The following PEX5L variants were observed in gnomAD, a reference collection of about 807,000 sequenced individuals.
The protein encoded by PEX5L is PEX5-related protein.
Under a neutral mutation model 84.0 loss-of-function variants are expected in PEX5L, and 30 were observed. The observed-to-expected ratio is 0.36, with a 90% CI of 0.27 to 0.48. The LOEUF (loss-of-function observed/expected upper bound fraction) is 0.48. PEX5L is among the 20% of genes least tolerant of loss of function. The probability of loss-of-function intolerance (pLI) is 0.99; values close to 1 mark genes in which losing one functional copy is unlikely to be tolerated. For synonymous variants in PEX5L, 270 were observed against 283.1 expected (o/e 0.95, Z 0.46); for missense variants, 533 against 754.6 (o/e 0.71, Z 3.44).
chr3:179,990,757 C>A (rs1316998522), intron 1 of PEX5L, among the ~76,000 whole-genome samples: 1 of 152,082 alleles, frequency 6.6e-6, no homozygotes, highest in African/African-American at 2.4e-5. Flanking sequence ...TGAGTGCTTA[C>A]CTTGTCCCAG....
intron 1 of PEX5L, among the ~76,000 whole-genome samples, chr3:179,990,281 TTGCACTAGAGAA>T (rs1787258343): frequency 6.6e-6 from 1 of 152,218 alleles, no homozygotes; most frequent in South Asian, 2.1e-4. Flanking sequence ...CTTTAATCAT[TTGCACTAGAGAA>T]AAGATCTTGG....
chr3:180,000,021 C>T (rs367739473), intron 1 of PEX5L, among the ~76,000 whole-genome samples: 8 of 152,140 alleles, frequency 5.3e-5, no homozygotes, highest in Non-Finnish European at 7.3e-5. Flanking sequence ...CCAGGAGTCA[C>T]GGGTCCAGGA....
At chr3:179,810,917 T>A (rs533984565) in intron 11 of PEX5L, among the ~76,000 whole-genome samples, 5 of 151,952 alleles carry the variant, frequency 3.3e-5, no homozygotes, top group Admixed American at 3.3e-4. Flanking sequence ...AGATGTGGAG[T>A]TGGGAGATGA....
chr3:179,905,044 A>C (rs930193733), intron 2 of PEX5L, among the ~76,000 whole-genome samples: 1 of 152,136 alleles, frequency 6.6e-6, no homozygotes, highest in Non-Finnish European at 1.5e-5. Context: ...AATTTTTTTT[A>C]AATTGACAAA....
At chr3:179,971,536 C>T in intron 2 of PEX5L, 58 bp downstream of exon 2, 1 of 1,538,374 alleles carries the variant, frequency 6.5e-7, no homozygotes, top group Non-Finnish European at 8.7e-7. Flanking sequence ...ACTCAAAAGG[C>T]TTTAGTCATC....
intron 3 of PEX5L, among the ~76,000 whole-genome samples, chr3:179,889,528 T>C (rs1756975358): frequency 6.6e-6 from 1 of 152,200 alleles, no homozygotes; most frequent in Admixed American, 6.5e-5. Flanking sequence ...TGAGAACGCT[T>C]TTCTTCTTTT....
intron 8 of PEX5L, among the ~76,000 whole-genome samples, chr3:179,841,167 C>T (rs1320600912): frequency 1.3e-5 from 2 of 152,158 alleles, no homozygotes; most frequent in Admixed American, 6.5e-5. Flanking sequence ...AGTCTGCTGA[C>T]GAAAGCTTGA....
At chr3:179,942,017 C>CAAAAAAAAAA (rs11447396) in intron 2 of PEX5L, among the ~76,000 whole-genome samples, 4 of 89,254 alleles carry the variant, frequency 4.5e-5, no homozygotes, top group African/African-American at 9.7e-5. Flanking sequence ...TGAGACTCCT[C>CAAAAAAAAAA]AAAAAAAAAA....
chr3:179,846,688 A>G (rs1577532237), intron 8 of PEX5L, among the ~76,000 whole-genome samples: 2 of 152,186 alleles, frequency 1.3e-5, no homozygotes, highest in South Asian at 2.1e-4. Flanking sequence ...GAGGGCCTTA[A>G]TAGAACAAAA....
At position 179,874,368 on chromosome 3, in the gene PEX5L, A is replaced by G; in HGVS notation, c.685T>C (p.Ser229Pro). 1 of 1,612,934 alleles carries G rather than the reference A, an allele frequency of 6.2e-7. No homozygotes were observed. Among genetic ancestry groups the G allele is most frequent in the Non-Finnish European group, 8.5e-7 (1 of 1,179,278 alleles). The change falls in exon 7 of 15, where the codon TCT (serine) becomes CCT (proline). Residue 229 changes from serine to proline, a missense_variant. By Grantham distance (74) the Ser-to-Pro change is moderately conservative. Coordinates refer to ENST00000467460, the MANE Select transcript of PEX5L (RefSeq NM_016559.3). ...ELSGGKSALN[S>P]ESASELELVA... ...AATTCCAATTCTGAAGCCGACTCAG[A>G]GTTGAGGGCGCTTTTTCCACCACTC...
At chr3:179,819,790 C>T (rs1727710331) in intron 9 of PEX5L, 70 bp downstream of exon 9, 5 of 1,308,920 alleles carry the variant, frequency 3.8e-6, no homozygotes, top group Non-Finnish European at 5.5e-6. Flanking sequence ...TAGCTATTGA[C>T]TAATCTATAA....
chr3:180,003,516 CAT>C (rs1405641681), intron 1 of PEX5L, among the ~76,000 whole-genome samples: 1 of 152,022 alleles, frequency 6.6e-6, no homozygotes, highest in East Asian at 1.9e-4. Context: ...ATGCCACAAA[CAT>C]ATGTAAACTG....
chr3:180,031,262 T>C (rs1791438399), intron 1 of PEX5L, among the ~76,000 whole-genome samples: 1 of 152,158 alleles, frequency 6.6e-6, no homozygotes, highest in South Asian at 2.1e-4. Flanking sequence ...TATAGTAATA[T>C]ATAAGCTATA....
chr3:179,971,269 T>G (rs1784665866), intron 2 of PEX5L, among the ~76,000 whole-genome samples: 1 of 152,168 alleles, frequency 6.6e-6, no homozygotes, highest in African/African-American at 2.4e-5. Flanking sequence ...ATAATATATT[T>G]TATTGTTCTT....
chr3:179,865,275 A>T (rs1747704612), intron 7 of PEX5L, among the ~76,000 whole-genome samples: 2 of 152,304 alleles, frequency 1.3e-5, no homozygotes, highest in South Asian at 4.1e-4. Context: ...GAAGAGTGTT[A>T]TCTATGTCAC....
intron 1 of PEX5L, among the ~76,000 whole-genome samples, chr3:180,019,923 C>T (rs1461710161): frequency 6.6e-6 from 1 of 152,160 alleles, no homozygotes; most frequent in Non-Finnish European, 1.5e-5. Context: ...TGTGAATGTT[C>T]TTATCGACAA....
At chr3:179,814,706 C>T (rs752260957) in intron 10 of PEX5L, among the ~76,000 whole-genome samples, 2 of 152,094 alleles carry the variant, frequency 1.3e-5, no homozygotes, top group Non-Finnish European at 2.9e-5. Context: ...GGTGGTCTCC[C>T]AGCCTCTGTC....
intron 1 of PEX5L, among the ~76,000 whole-genome samples, chr3:180,006,452 A>G (rs1788905383): frequency 6.6e-6 from 1 of 152,178 alleles, no homozygotes; most frequent in African/African-American, 2.4e-5. Flanking sequence ...GAAGAGAAAC[A>G]TACCTATTGC....
chr3:179,880,553 T>C (rs1753837131), intron 4 of PEX5L, among the ~76,000 whole-genome samples: 1 of 152,230 alleles, frequency 6.6e-6, no homozygotes, highest in African/African-American at 2.4e-5. Context: ...CAATAAAGTA[T>C]ATGGGGTATA....
Sources: allele counts gnomAD v4.1 joint callset (sites outside exome capture counted in the v4.1 genomes callset), GRCh38; gene constraint gnomAD v4.1.1; transcripts MANE v1.5; gene names NCBI Gene and HGNC (gene_info 2026-07-23, HGNC 2026-07-21).